The following ZZEF1 variants were observed in gnomAD, a reference collection of about 807,000 sequenced individuals.
ZZEF1 encodes the protein zinc finger ZZ-type and EF-hand domain-containing protein 1.
A neutral mutation model predicts 342.8 loss-of-function variants in ZZEF1; 157 were observed. The observed-to-expected ratio is 0.46, with a 90% CI of 0.40 to 0.52. ZZEF1 has a LOEUF of 0.52. ZZEF1 is among the 20% of genes least tolerant of loss of function. ZZEF1 has a pLI of 0.00. For missense variants in ZZEF1, 3,480 were observed against 3,725.6 expected (o/e 0.93, Z 1.72); for synonymous variants, 1,505 against 1,429.1 (o/e 1.05, Z -1.20).
At chr17:4,091,302 G>C (rs946710572) in intron 11 of ZZEF1, among the ~76,000 whole-genome samples, 1 of 152,070 alleles carries the variant, frequency 6.6e-6, no homozygotes, top group Non-Finnish European at 1.5e-5. Flanking sequence ...GATCCTGGAG[G>C]TCCAAAAAAA....
In ZZEF1 at chr17:4,008,160, T is replaced by G. The variant is rs1458549232; in HGVS notation, c.8805+723A>C. 18 of 152,166 alleles carry G rather than the reference T, an allele frequency of 1.2e-4. No individual in the cohort carries two copies. Among genetic ancestry groups the G allele is most frequent in the Admixed American group, 1.1e-3 (17 of 15,258 alleles). The allele number at this position is 152,166 out of a possible 1,614,324, so 9.4% of individuals were successfully genotyped here. A position where few individuals can be genotyped will look rare whatever the true frequency, so the allele number is the denominator to read the frequency against. On this transcript the variant is annotated intron_variant, in intron 54 of 54. Coordinates refer to ENST00000381638, the MANE Select transcript of ZZEF1 (RefSeq NM_015113.4). This position sits in a 1 kb window ranked among gnomAD's most constrained non-coding sequence, Gnocchi z 4.2. ...GACTGCAGAAGCAGACATGAGAACA[T>G]GAGAATCCAGCTGTCTTCTACGAGG...
At chr17:4,117,222 T>C (rs2058410427) in intron 2 of ZZEF1, 56 bp from the exon 3 acceptor site, 33 of 1,427,934 alleles carry the variant, frequency 2.3e-5, no homozygotes, top group Non-Finnish European at 2.9e-5. Context: ...AGTTTCCACA[T>C]CCCCTGCCTG....
chr17:4,072,713 T>C lies in ZZEF1; in HGVS notation c.3729A>G (p.Leu1243=), dbSNP rs143558375. 6 of 1,613,728 alleles carry C rather than the reference T, an allele frequency of 3.7e-6. No individual in the cohort carries two copies. In the South Asian group the frequency reaches 4.4e-5, roughly 12 times the overall value. ...GTTTCCACAGTGGGGAGCTTAGGAC[T>C]AATGCCATTTTTGCCTGAGGTACTA... The part of the protein sequence containing the change: ...NMVVPQAKMA[L]VLSSPLWKPV... Residue 1243 remains leucine, a synonymous_variant, in exon 25 of 55, where the codon TTA becomes TTG. Coordinates refer to ENST00000381638, the MANE Select transcript of ZZEF1 (RefSeq NM_015113.4).
intron 26 of ZZEF1, 46 bp downstream of exon 26, chr17:4,070,638 T>C: frequency 2.5e-6 from 4 of 1,588,232 alleles, no homozygotes; most frequent in Non-Finnish European, 3.4e-6. Context: ...TCTTAAAACT[T>C]AGCAATTAGC....
chr17:4,057,128 C>G (rs906035266), intron 32 of ZZEF1, among the ~76,000 whole-genome samples: 1 of 152,226 alleles, frequency 6.6e-6, no homozygotes, highest in African/African-American at 2.4e-5. Flanking sequence ...GCCACGGGGG[C>G]TTGCTGTAAA....
chr17:4,064,345 G>T lies in ZZEF1; in HGVS notation c.4718+16C>A. 6.4e-7 allele frequency: 1 copy of T among 1,551,822 alleles called. No homozygotes were observed. The highest frequency in any genetic ancestry group is 8.7e-7 in the Non-Finnish European group (1 of 1,144,430). Reference sequence around the variant, plus strand: ...CTTAAAAAGAGAAAGCGACAGGAAGGTAACAACGGGCTTACCTCCTGTGCG... The same window carrying T: ...CTTAAAAAGAGAAAGCGACAGGAAGTTAACAACGGGCTTACCTCCTGTGCG... On this transcript the variant is annotated intron_variant, in intron 29 of 54. Coordinates refer to ENST00000381638, the MANE Select transcript of ZZEF1 (RefSeq NM_015113.4).
At chr17:4,071,064 A>C in intron 25 of ZZEF1, 140 bp from the exon 26 acceptor site, 1 of 969,120 alleles carries the variant, frequency 1.0e-6, no homozygotes, top group Middle Eastern at 2.9e-4. Flanking sequence ...TAGGAAGACC[A>C]GACAGAGATA....
rs1317299468 is a variant in ZZEF1, at chr17:4,123,989, G to C, written c.417C>G (p.Ala139=). The C allele has an allele frequency of 4.3e-6, 7 of 1,613,598 alleles. No homozygotes were observed. The African/African-American group carries it at 8.0e-5, about 18-fold the overall frequency. The change falls in exon 2 of 55, where the codon GCC becomes GCG. Residue 139 remains alanine, a synonymous_variant. Coordinates refer to ENST00000381638, the MANE Select transcript of ZZEF1 (RefSeq NM_015113.4). The part of the protein sequence containing the change: ...GTVDAENMLE[A]LKNSSGANLQ... ...GATTAGCTCCACTGGAATTCTTGAG[G>C]GCCTCCAACATGTTCTCGGCATCAA...
At chr17:4,085,569 T>C in intron 16 of ZZEF1, 101 bp downstream of exon 16, 4 of 1,437,966 alleles carry the variant, frequency 2.8e-6, no homozygotes, top group Non-Finnish European at 9.6e-7. Flanking sequence ...AATACACATC[T>C]GGGACGTTGC....
At position 4,004,753 on chromosome 17, in the gene ZZEF1, G is replaced by C. The variant is rs2055767207; in HGVS notation, c.*2137C>G. ...GCGGGCTTCGCCTCCTCCGGGCCTGGGGCTCCTGGAAAGCGCCGGGACGCG... is the reference window on the plus strand; with the variant it reads ...GCGGGCTTCGCCTCCTCCGGGCCTGCGGCTCCTGGAAAGCGCCGGGACGCG... On this transcript the variant is annotated 3_prime_UTR_variant, in exon 55 of 55. Transcript: ENST00000381638. The C allele has an allele frequency of 6.6e-6, 1 of 152,272 alleles. No individual in the cohort carries two copies. Among genetic ancestry groups the C allele is most frequent in the African/African-American group, 2.4e-5 (1 of 41,470 alleles). 9.4% of individuals were successfully genotyped at this position (152,272 alleles called of 1,614,324 possible). A position where few individuals can be genotyped will look rare whatever the true frequency, so the allele number is the denominator to read the frequency against.
At chr17:4,062,982 C>G in intron 29 of ZZEF1, 65 bp from the exon 30 acceptor site, 1 of 1,519,182 alleles carries the variant, frequency 6.6e-7, no homozygotes, top group Non-Finnish European at 8.9e-7. Flanking sequence ...CGGAAAATAT[C>G]CCCGCCAAAG....
Position 4,072,609 on chromosome 17 carries a change from T to A in ZZEF1, c.3833A>T (p.Glu1278Val). Residue 1278 changes from glutamate to valine, a missense_variant and splice_region_variant, in exon 25 of 55, where the codon GAG (glutamate) becomes GTG (valine). Coordinates refer to ENST00000381638, the MANE Select transcript of ZZEF1 (RefSeq NM_015113.4). ...WPTHPHRNSK[E>V]VKNIPDDPCR... ...GAAAGAAAACGGAAGAGTAAATACCTCCTTACTATTCCGGTGTGGGTGAGT... is the reference window on the plus strand; with the variant it reads ...GAAAGAAAACGGAAGAGTAAATACCACCTTACTATTCCGGTGTGGGTGAGT... 1 of 1,608,426 alleles carries A rather than the reference T, an allele frequency of 6.2e-7. No individual in the cohort carries two copies. Among genetic ancestry groups the A allele is most frequent in the South Asian group, 1.1e-5 (1 of 89,856 alleles).
At position 4,096,704 on chromosome 17, in the gene ZZEF1, A is replaced by AAAAAGGGG; in HGVS notation, c.1673-5_1673-4insCCCCTTTT. 6.2e-7 allele frequency: 1 copy of AAAAAGGGG among 1,612,598 alleles called. No homozygotes were observed. Among genetic ancestry groups the AAAAAGGGG allele is most frequent in the East Asian group, 2.2e-5 (1 of 44,844 alleles). ...TTTCCAGTTTCCGTAAGAAAACCTG[A>AAAAAGGGG]AAAAAGGGAAAACTCAAGTTAGGGA... On this transcript the variant is annotated splice_region_variant and splice_polypyrimidine_tract_variant and intron_variant, in intron 9 of 54. Transcript: ENST00000381638.
chr17:4,032,760 G>C (rs1323940725), intron 41 of ZZEF1, 68 bp downstream of exon 41: 2 of 1,532,530 alleles, frequency 1.3e-6, no homozygotes, highest in Non-Finnish European at 1.8e-6. Flanking sequence ...GGAAGCCACA[G>C]AGGCTTTGGT....
chr17:4,016,382 C>T lies in ZZEF1; in HGVS notation c.8086G>A (p.Gly2696Arg), dbSNP rs761506024. 6.2e-7 allele frequency: 1 copy of T among 1,614,204 alleles called. No homozygotes were observed. The highest frequency in any genetic ancestry group is 8.5e-7 in the Non-Finnish European group (1 of 1,180,016). Residue 2696 changes from glycine (G) to arginine (R), a missense_variant, in exon 49 of 55, where the codon GGA becomes AGA. Physicochemically the swap from Gly to Arg is moderately radical, Grantham distance 125 (BLOSUM62 -2). This residue lies in a region of ZZEF1 where 1,269 missense variants were observed against 1,342.4 expected (regional missense o/e 0.95). Coordinates refer to ENST00000381638, the MANE Select transcript of ZZEF1 (RefSeq NM_015113.4). This position sits in a 1 kb window ranked among gnomAD's most constrained non-coding sequence, Gnocchi z 4.4. ...GACTCCCTCACTTGCACCTCCATTC[C>T]TGGCTCCTCCATGAACTGGCATGCA... ...LAACQFMEEP[G>R]MEVQVRESKH...
chr17:4,125,914 C>T (rs1381481532), intron 1 of ZZEF1, among the ~76,000 whole-genome samples: 4 of 152,084 alleles, frequency 2.6e-5, no homozygotes, highest in African/African-American at 7.2e-5. Context: ...GTGGACCTGT[C>T]TGTTGTCATG....
chr17:4,048,720 TG>T (rs377491484), intron 37 of ZZEF1, among the ~76,000 whole-genome samples: 1 of 152,216 alleles, frequency 6.6e-6, no homozygotes, highest in Non-Finnish European at 1.5e-5. Flanking sequence ...GACTTTTTTT[TG>T]GTTGTTTTTT....
Position 4,005,497 on chromosome 17 carries a change from C to T in ZZEF1, c.*1393G>A, listed in dbSNP as rs1053143496. On this transcript the variant is annotated 3_prime_UTR_variant, in exon 55 of 55. Transcript: ENST00000381638. ...GAACTCTGGGGCTTAGCTGAGAACC[C>T]AATTGTAGGGCTGTGAAGCCCGCTG... 3 of 152,318 alleles carry T rather than the reference C, an allele frequency of 2.0e-5. No homozygotes were observed. The highest frequency in any genetic ancestry group is 4.8e-5 in the African/African-American group (2 of 41,464). The allele number at this position is 152,318 out of a possible 1,614,324, so 9.4% of individuals were successfully genotyped here. A position where few individuals can be genotyped will look rare whatever the true frequency, so the allele number is the denominator to read the frequency against.
At chr17:4,021,088 C>T (rs1268836241) in intron 45 of ZZEF1, 41 bp downstream of exon 45, 3 of 1,546,096 alleles carry the variant, frequency 1.9e-6, no homozygotes, top group Admixed American at 4.0e-5. Context: ...AGCCATCCCT[C>T]AGAAGCCCCT....
Sources: gnomAD v4.1 joint callset for allele counts (sites outside exome capture counted in the v4.1 genomes callset) on GRCh38, gnomAD v4.1.1 for gene constraint, gnomAD v4.1.1 regional missense constraint, Gnocchi (gnomAD v3.1) non-coding constraint, MANE v1.5 for transcripts, NCBI Gene and HGNC (gene_info 2026-07-23, HGNC 2026-07-21) for gene names.